The following NEGR1 variants were observed in gnomAD, a reference collection of about 807,000 sequenced individuals.
NEGR1 encodes IgLON family member 4.
Under a neutral mutation model 40.9 loss-of-function variants are expected in NEGR1, and 10 were observed. That is an observed-to-expected ratio of 0.24 (90% CI 0.15 to 0.42). NEGR1 has a LOEUF of 0.42. NEGR1 is among the 10% of genes least tolerant of loss of function. NEGR1 has a pLI of 1.00. For synonymous variants in NEGR1, 185 were observed against 166.8 expected (o/e 1.11, Z -0.84); for missense variants, 352 against 438.9 (o/e 0.80, Z 1.77).
chr1:72,107,701 T>C (rs1274927064), intron 1 of NEGR1, among the ~76,000 whole-genome samples: 1 of 151,418 alleles, frequency 6.6e-6, no homozygotes, highest in East Asian at 1.9e-4. Flanking sequence ...AATGACTATG[T>C]AGAATGACAC....
chr1:71,774,596 A>G (rs1164525260), intron 3 of NEGR1, among the ~76,000 whole-genome samples: 1 of 152,176 alleles, frequency 6.6e-6, no homozygotes, highest in Non-Finnish European at 1.5e-5. Context: ...ACATGTTTCA[A>G]TTGTGCTTGT....
At chr1:71,963,750 C>T (rs1557458260) in intron 1 of NEGR1, among the ~76,000 whole-genome samples, 1 of 152,086 alleles carries the variant, frequency 6.6e-6, no homozygotes, top group Non-Finnish European at 1.5e-5. Context: ...CTTAAAATCT[C>T]CCAAAGATAA....
intron 6 of NEGR1, among the ~76,000 whole-genome samples, chr1:71,477,891 A>AT (rs147512739): frequency 3.3e-5 from 5 of 150,912 alleles, no homozygotes; most frequent in African/African-American, 4.9e-5. Context: ...TCACTCTTGG[A>AT]TTTTTAAAAA....
intron 6 of NEGR1, among the ~76,000 whole-genome samples, chr1:71,582,423 T>C (rs1314375749): frequency 1.3e-5 from 2 of 152,208 alleles, no homozygotes; most frequent in East Asian, 1.9e-4. Context: ...ACCATATATA[T>C]ATTTTTTTAA....
chr1:71,527,279 C>G lies in NEGR1; in HGVS notation c.940+65538G>C, dbSNP rs374111869. 8.6e-5 allele frequency among the ~76,000 whole-genome samples: 13 copies of G among 151,504 alleles called. No individual in the cohort carries two copies. The East Asian group carries it at 2.0e-3, about 23-fold the overall frequency. On this transcript the variant is annotated intron_variant, in intron 6 of 6. Transcript: ENST00000357731. The stretch of plus-strand genomic sequence containing the variant: ...TAATTTTTTGAGAACTGACAGAAAC[C>G]ACAGAAGGTGACTTACTCCCAACTT...
intron 1 of NEGR1, among the ~76,000 whole-genome samples, chr1:71,940,325 G>T (rs773618606): frequency 3.9e-5 from 6 of 152,058 alleles, no homozygotes; most frequent in Non-Finnish European, 8.8e-5. Context: ...TTAAAAATCT[G>T]CTAGACTACC....
At chr1:71,589,297 T>C (rs1279961020) in intron 6 of NEGR1, among the ~76,000 whole-genome samples, 1 of 152,174 alleles carries the variant, frequency 6.6e-6, no homozygotes, top group Non-Finnish European at 1.5e-5. Context: ...TGCTTGCTTC[T>C]GCAGGATGCT....
intron 2 of NEGR1, among the ~76,000 whole-genome samples, chr1:71,917,451 G>A (rs949893221): frequency 1.3e-5 from 2 of 152,096 alleles, no homozygotes; most frequent in Admixed American, 6.6e-5. Flanking sequence ...CTTTCTCTTT[G>A]ATCTTGATAA....
rs541352556 is a variant in NEGR1 at position 71,917,723 on chromosome 1, T to C, written c.409+17356A>G. Among the ~76,000 whole-genome samples, 125 of 145,608 alleles carry C rather than the reference T, an allele frequency of 8.6e-4. 1 individual carries two copies. The East Asian group carries it at 0.024, about 28-fold the overall frequency. ...TGAACCCGGGAGGCGGAGCTTGCAG[T>C]GAGCCCAGATTGCGCCACTGCACTC... On this transcript the variant is annotated intron_variant, in intron 2 of 6. Coordinates refer to ENST00000357731, the MANE Select transcript of NEGR1 (RefSeq NM_173808.3).
At chr1:72,021,612 A>G (rs1191452930) in intron 1 of NEGR1, among the ~76,000 whole-genome samples, 1 of 152,150 alleles carries the variant, frequency 6.6e-6, no homozygotes, top group East Asian at 1.9e-4. Flanking sequence ...ATTTTGAAAA[A>G]CTTTATAACA....
intron 1 of NEGR1, among the ~76,000 whole-genome samples, chr1:72,009,319 C>T (rs992085921): frequency 3.3e-4 from 50 of 152,156 alleles, no homozygotes; most frequent in Non-Finnish European, 5.3e-4. Context: ...TTTCCCTCCA[C>T]GCTTCAGGGA....
At chr1:72,068,994 T>C (rs951604064) in intron 1 of NEGR1, among the ~76,000 whole-genome samples, 44 of 152,148 alleles carry the variant, frequency 2.9e-4, no homozygotes, top group African/African-American at 1.1e-3. Context: ...TTATTTTCCT[T>C]AGAGAAATCA....
At chr1:71,511,917 A>G (rs1647075698) in intron 6 of NEGR1, among the ~76,000 whole-genome samples, 1 of 152,206 alleles carries the variant, frequency 6.6e-6, no homozygotes, top group Non-Finnish European at 1.5e-5. Flanking sequence ...AAAGTCAAAG[A>G]ATATGTCCAA....
chr1:71,926,642 T>C (rs1645776601), intron 2 of NEGR1, among the ~76,000 whole-genome samples: 1 of 66,692 alleles, frequency 1.5e-5, no homozygotes, highest in South Asian at 7.8e-4. Context: ...GTGGTGGCTA[T>C]CAATATGATT....
intron 1 of NEGR1, among the ~76,000 whole-genome samples, chr1:72,235,631 G>GT (rs564080437): frequency 7.4e-4 from 112 of 152,038 alleles, no homozygotes; most frequent in African/African-American, 2.5e-3. Flanking sequence ...GTAAGGAAAA[G>GT]TACTTATTGA....
intron 1 of NEGR1, among the ~76,000 whole-genome samples, chr1:72,278,602 AT>A (rs1656139918): frequency 6.6e-6 from 1 of 152,026 alleles, no homozygotes; most frequent in Non-Finnish European, 1.5e-5. Context: ...GCAGAGTTAT[AT>A]TCCCCTGAAT....
intron 1 of NEGR1, among the ~76,000 whole-genome samples, chr1:72,213,902 G>A (rs1653699940): frequency 6.6e-6 from 1 of 151,950 alleles, no homozygotes; most frequent in South Asian, 2.1e-4. Context: ...TCCTGGCAGA[G>A]ACACAACAAA....
intron 2 of NEGR1, among the ~76,000 whole-genome samples, chr1:71,901,502 A>G (rs183966472): frequency 1.6e-4 from 24 of 152,180 alleles, no homozygotes; most frequent in Admixed American, 3.9e-4. Flanking sequence ...TATTGAATGA[A>G]CAATCAATTT....
intron 6 of NEGR1, among the ~76,000 whole-genome samples, chr1:71,521,947 T>C (rs1166866967): frequency 3.9e-5 from 6 of 151,972 alleles, no homozygotes; most frequent in African/African-American, 7.2e-5. Flanking sequence ...CATCTTTAAA[T>C]ACATAACATA....
Sources: allele counts gnomAD v4.1 joint callset (sites outside exome capture counted in the v4.1 genomes callset), GRCh38; gene constraint gnomAD v4.1.1; transcripts MANE v1.5; gene names NCBI Gene and HGNC (gene_info 2026-07-23, HGNC 2026-07-21).